Variants in ZNF346 observed in about 807,000 individuals in gnomAD.
The protein encoded by ZNF346 is double-stranded RNA-binding zinc finger protein JAZ.
A neutral mutation model predicts 33.7 loss-of-function variants in ZNF346; 23 were observed. That is an observed-to-expected ratio of 0.68 (90% CI 0.49 to 0.97). ZNF346 has a LOEUF of 0.97. Among genes scored for constraint, ZNF346 ranks in the 50% least tolerant of loss-of-function variants. The pLI is 0.00. For missense variants in ZNF346, 340 were observed against 371.1 expected, an observed-to-expected ratio of 0.92 and a Z score of 0.69; for synonymous variants, 134 against 142.4, an observed-to-expected ratio of 0.94 and a Z score of 0.42.
At chr5:177,056,619 C>T (rs76108080) in intron 5 of ZNF346, among the ~76,000 whole-genome samples, 20,061 of 152,106 alleles carry the variant, frequency 0.13, 1,686 homozygotes, top group East Asian at 0.19. Flanking sequence ...TTTGTAGGGA[C>T]GTGGATGAAG....
At chr5:177,026,627 G>A (rs1257330343) in intron 1 of ZNF346, among the ~76,000 whole-genome samples, 1 of 152,122 alleles carries the variant, frequency 6.6e-6, no homozygotes, top group Non-Finnish European at 1.5e-5. Flanking sequence ...CTCCCGAAGT[G>A]TTGGGATTAC....
intron 4 of ZNF346, among the ~76,000 whole-genome samples, chr5:177,047,792 C>A (rs1272068957): frequency 6.6e-6 from 1 of 152,154 alleles, no homozygotes; most frequent in African/African-American, 2.4e-5. Flanking sequence ...AGACATGAGC[C>A]ACCGTGCCCT....
chr5:177,076,307 C>G (rs1783741213), intron 8 of ZNF346, among the ~76,000 whole-genome samples: 1 of 152,234 alleles, frequency 6.6e-6, no homozygotes, highest in Non-Finnish European at 1.5e-5. Flanking sequence ...TGTAGGTCTT[C>G]TACCAATGAC....
intron 4 of ZNF346, among the ~76,000 whole-genome samples, chr5:177,049,407 C>T (rs1482574014): frequency 6.6e-6 from 1 of 152,186 alleles, no homozygotes; most frequent in Non-Finnish European, 1.5e-5. Flanking sequence ...ATTTTTAAAG[C>T]AGTAGTTGCT....
chr5:177,035,082 T>C (rs1464804801), intron 1 of ZNF346, among the ~76,000 whole-genome samples: 1 of 151,944 alleles, frequency 6.6e-6, no homozygotes, highest in Non-Finnish European at 1.5e-5. Context: ...AGTGGCACGA[T>C]CTTGGCTCAC....
At chr5:177,060,434 T>C (rs1171224950) in intron 5 of ZNF346, among the ~76,000 whole-genome samples, 1 of 151,846 alleles carries the variant, frequency 6.6e-6, no homozygotes, top group Non-Finnish European at 1.5e-5. Context: ...AGCAGGAGAA[T>C]TGCCTGAACC....
At chr5:177,047,958 G>GT (rs1014188902) in intron 4 of ZNF346, among the ~76,000 whole-genome samples, 1 of 152,010 alleles carries the variant, frequency 6.6e-6, no homozygotes, top group African/African-American at 2.4e-5. Flanking sequence ...CCTTCTATAT[G>GT]TTTTTTATTT....
intron 8 of ZNF346, among the ~76,000 whole-genome samples, chr5:177,073,535 C>T (rs1680298403): frequency 6.6e-6 from 1 of 152,114 alleles, no homozygotes; most frequent in African/African-American, 2.4e-5. Flanking sequence ...AACTCCTGAG[C>T]TCAAACGATC....
At chr5:177,078,167 A>G (rs1277140852) in intron 8 of ZNF346, among the ~76,000 whole-genome samples, 1 of 152,134 alleles carries the variant, frequency 6.6e-6, no homozygotes, top group Non-Finnish European at 1.5e-5. Flanking sequence ...AAGAAAAGAA[A>G]AGGGAATGCC....
intron 5 of ZNF346, 96 bp downstream of exon 5, chr5:177,051,032 G>A (rs1780790969): frequency 1.1e-6 from 1 of 936,492 alleles, no homozygotes; most frequent in Non-Finnish European, 1.7e-6. Flanking sequence ...CTTAGGTCTT[G>A]TAAGTAGGGT....
intron 8 of ZNF346, among the ~76,000 whole-genome samples, chr5:177,074,843 G>A (rs1489845369): frequency 1.3e-5 from 2 of 151,898 alleles, no homozygotes; most frequent in Admixed American, 6.6e-5. Flanking sequence ...CGAGGCGGGC[G>A]GATCACGAGG....
intron 1 of ZNF346, among the ~76,000 whole-genome samples, chr5:177,029,659 A>T (rs936695175): frequency 6.6e-6 from 1 of 152,242 alleles, no homozygotes; most frequent in African/African-American, 2.4e-5. Context: ...GAGGACCAAG[A>T]TGGCGACTTG....
At chr5:177,035,510 G>C (rs1778359148) in intron 1 of ZNF346, among the ~76,000 whole-genome samples, 1 of 151,816 alleles carries the variant, frequency 6.6e-6, no homozygotes, top group African/African-American at 2.4e-5. Context: ...GCCCAGGCTG[G>C]AGTGCAATGG....
At chr5:177,034,283 G>A (rs551192634) in intron 1 of ZNF346, among the ~76,000 whole-genome samples, 3 of 150,340 alleles carry the variant, frequency 2.0e-5, no homozygotes, top group Admixed American at 6.6e-5. Context: ...TGTGATCACA[G>A]CTCACTTCAC....
chr5:177,030,847 G>A (rs1777578286), intron 1 of ZNF346, among the ~76,000 whole-genome samples: 2 of 149,614 alleles, frequency 1.3e-5, no homozygotes, highest in Admixed American at 1.3e-4. Context: ...GACATTTCAT[G>A]TAAATAGAAT....
At chr5:177,071,684 CAA>C (rs1188659810), downstream of ZNF346, among the ~76,000 whole-genome samples, 7 of 138,274 alleles carry the variant, frequency 5.1e-5, no homozygotes, top group Admixed American at 7.2e-5. Context: ...GACTCTGTCT[CAA>C]AAAAAAAAAA....
intron 1 of ZNF346, among the ~76,000 whole-genome samples, chr5:177,031,240 G>T (rs986268488): frequency 6.6e-6 from 1 of 152,120 alleles, no homozygotes; most frequent in Non-Finnish European, 1.5e-5. Flanking sequence ...CTCCATGTTG[G>T]CAAGGCTAGT....
chr5:177,035,633 C>CTTT (rs57259759), intron 1 of ZNF346, among the ~76,000 whole-genome samples: 5 of 102,038 alleles, frequency 4.9e-5, no homozygotes, highest in Admixed American at 1.1e-4. Context: ...GGCTAATTGA[C>CTTT]TTTTTTTTTT....
At chr5:177,036,853 G>C (rs1202550306) in intron 1 of ZNF346, among the ~76,000 whole-genome samples, 1 of 152,136 alleles carries the variant, frequency 6.6e-6, no homozygotes, top group Non-Finnish European at 1.5e-5. Flanking sequence ...CCTCACCTGA[G>C]CCTGGGAAAT....
Sources: gnomAD v4.1 joint callset for allele counts (sites outside exome capture counted in the v4.1 genomes callset) on GRCh38, gnomAD v4.1.1 for gene constraint, MANE v1.5 for transcripts, NCBI Gene and HGNC (gene_info 2026-07-23, HGNC 2026-07-21) for gene names.